Variants in HIVEP2 observed in about 807,000 individuals in gnomAD.
The protein encoded by HIVEP2 is HIVEP zinc finger 2.
In HIVEP2, 14 loss-of-function variants were observed where a neutral mutation model predicts 180.7. That is an observed-to-expected ratio of 0.08 (90% CI 0.05 to 0.12). The LOEUF is 0.12. Among genes scored for constraint, HIVEP2 ranks in the 10% least tolerant of loss-of-function variants. The pLI is 1.00. For missense variants in HIVEP2, 2,579 were observed against 3,008.5 expected (o/e 0.86, Z 3.34); for synonymous variants, 1,184 against 1,136.4 (o/e 1.04, Z -0.84).
intron 3 of HIVEP2, among the ~76,000 whole-genome samples, chr6:142,782,198 T>A (rs9484671): frequency 0.082 from 12,440 of 152,246 alleles, 1,683 homozygotes; most frequent in African/African-American, 0.28. Context: ...GATTTGTGGT[T>A]TGACACTTGT....
chr6:142,810,618 C>T (rs545444797), intron 2 of HIVEP2, among the ~76,000 whole-genome samples: 54 of 151,874 alleles, frequency 3.6e-4, no homozygotes, highest in African/African-American at 8.0e-4. Context: ...AAAAATTAGC[C>T]GGGCATGGTG....
At chr6:142,813,541 A>C (rs955074032) in intron 2 of HIVEP2, among the ~76,000 whole-genome samples, 2 of 150,088 alleles carry the variant, frequency 1.3e-5, no homozygotes, top group Non-Finnish European at 3.0e-5. Context: ...GATATAAGAC[A>C]TTATGTCTGG....
At chr6:142,835,727 G>C (rs1283873003) in intron 2 of HIVEP2, among the ~76,000 whole-genome samples, 1 of 152,088 alleles carries the variant, frequency 6.6e-6, no homozygotes, top group African/African-American at 2.4e-5. Context: ...AATGAAAAGG[G>C]GTCTCTGGAA....
chr6:142,760,519 G>A lies in HIVEP2; in HGVS notation c.5769C>T (p.Asp1923=), dbSNP rs1372483622. The A allele has an allele frequency of 6.2e-7, 1 of 1,614,036 alleles. No individual in the cohort carries two copies. The highest frequency in any genetic ancestry group is 1.3e-5 in the African/African-American group (1 of 75,000). Residue 1923 remains aspartate (D), a synonymous_variant, in exon 9 of 10, where the codon GAC becomes GAT. Coordinates refer to ENST00000367603, the MANE Select transcript of HIVEP2 (RefSeq NM_006734.4). ...TTGTTTTTGGTGTTAAATCTCCCTGGTCGTCAAAGTCATCTTCATCTTCAT... is the reference window on the plus strand; with the variant it reads ...TTGTTTTTGGTGTTAAATCTCCCTGATCGTCAAAGTCATCTTCATCTTCAT... The part of the protein sequence containing the change: ...DDDEDEDDFD[D]QGDLTPKTRS...
At chr6:142,852,696 C>T (rs1775716964) in intron 1 of HIVEP2, among the ~76,000 whole-genome samples, 1 of 152,156 alleles carries the variant, frequency 6.6e-6, no homozygotes, top group Non-Finnish European at 1.5e-5. Context: ...AGAGATTTCT[C>T]CAAAGAAGTC....
intron 1 of HIVEP2, among the ~76,000 whole-genome samples, chr6:142,922,132 T>C (rs1234333660): frequency 6.6e-6 from 1 of 152,182 alleles, no homozygotes; most frequent in Non-Finnish European, 1.5e-5. Context: ...CACTTGTCCT[T>C]TAAACTTCAG....
chr6:142,942,287 G>T (rs118152479), intron 1 of HIVEP2, among the ~76,000 whole-genome samples: 1 of 73,646 alleles, frequency 1.4e-5, no homozygotes, highest in African/African-American at 4.3e-5. Flanking sequence ...GTTAAAATGA[G>T]CCCTGCTTTG....
chr6:142,835,976 T>G (rs1775212293), intron 2 of HIVEP2, among the ~76,000 whole-genome samples: 1 of 152,224 alleles, frequency 6.6e-6, no homozygotes, highest in African/African-American at 2.4e-5. Context: ...AGAAGCTGTC[T>G]TCCCAGATGA....
At chr6:142,811,868 T>C (rs1400738644) in intron 2 of HIVEP2, among the ~76,000 whole-genome samples, 1 of 152,222 alleles carries the variant, frequency 6.6e-6, no homozygotes, top group Non-Finnish European at 1.5e-5. Context: ...ATGGAGTAGC[T>C]GAAGCCAGAT....
chr6:142,795,597 T>A (rs1029944144), intron 2 of HIVEP2, among the ~76,000 whole-genome samples: 1 of 152,206 alleles, frequency 6.6e-6, no homozygotes, highest in African/African-American at 2.4e-5. Context: ...TTAACATAGA[T>A]GTAAATTATT....
chr6:142,917,974 T>C (rs886130742), intron 1 of HIVEP2, among the ~76,000 whole-genome samples: 2 of 152,118 alleles, frequency 1.3e-5, no homozygotes, highest in African/African-American at 4.8e-5. Flanking sequence ...GGTTTTGCCA[T>C]GTTGGCCAGG....
In HIVEP2 at chr6:142,753,101, C is replaced by G. The variant is rs755986861; in HGVS notation, c.*6G>C. 6.5e-7 allele frequency: 1 copy of G among 1,532,432 alleles called. No individual in the cohort carries two copies. Among genetic ancestry groups the G allele is most frequent in the Non-Finnish European group, 9.0e-7 (1 of 1,105,470 alleles). The allele number at this position is 1,532,432 out of a possible 1,614,324, so 94.9% of individuals were successfully genotyped here. On this transcript the variant is annotated 3_prime_UTR_variant, in exon 10 of 10. Coordinates refer to ENST00000367603, the MANE Select transcript of HIVEP2 (RefSeq NM_006734.4). ...TGTGGAAATGAAAGTCTCCATGCATCATAGATCAATGTAGCTGACTCTTTT... is the reference window on the plus strand; with the variant it reads ...TGTGGAAATGAAAGTCTCCATGCATGATAGATCAATGTAGCTGACTCTTTT...
intron 1 of HIVEP2, among the ~76,000 whole-genome samples, chr6:142,902,972 C>T (rs145141780): frequency 2.6e-5 from 4 of 152,312 alleles, no homozygotes; most frequent in East Asian, 1.9e-4. Flanking sequence ...AATATCTCAA[C>T]GCTGAACTAC....
At position 142,772,333 on chromosome 6, in the gene HIVEP2, A is replaced by T; in HGVS notation, c.2406T>A (p.Ile802=). The change falls in exon 5 of 10, where the codon ATT becomes ATA. Residue 802 remains isoleucine, a synonymous_variant. Coordinates refer to ENST00000367603, the MANE Select transcript of HIVEP2 (RefSeq NM_006734.4). This position sits in a 1 kb window ranked among gnomAD's most constrained non-coding sequence, Gnocchi z 4.9. The part of the protein sequence containing the change: ...RKPPGNVISV[I]QHTNSLSRPN... Reference sequence around the variant, plus strand: ...GTCGGCTCAGTGAGTTGGTGTGCTGAATCACAGAAATCACATTTCCAGGAG... The same window carrying T: ...GTCGGCTCAGTGAGTTGGTGTGCTGTATCACAGAAATCACATTTCCAGGAG... 1 of 1,614,224 alleles carries T rather than the reference A, an allele frequency of 6.2e-7. No individual in the cohort carries two copies.
chr6:142,944,373 C>G (rs868057065), intron 1 of HIVEP2, among the ~76,000 whole-genome samples: 5 of 120,290 alleles, frequency 4.2e-5, no homozygotes, highest in Non-Finnish European at 1.9e-5. Context: ...CCCCCCCCCC[C>G]ACCAAATACG....
chr6:142,887,858 T>C (rs1315866448), intron 1 of HIVEP2, among the ~76,000 whole-genome samples: 1 of 151,554 alleles, frequency 6.6e-6, no homozygotes, highest in East Asian at 1.9e-4. Flanking sequence ...TTCTGAAATA[T>C]CAAACAATGT....
chr6:142,752,457 CTTTT>C lies in HIVEP2; in HGVS notation c.*646_*649del, dbSNP rs1344879118. On this transcript the variant is annotated 3_prime_UTR_variant, in exon 10 of 10. Coordinates refer to ENST00000367603, the MANE Select transcript of HIVEP2 (RefSeq NM_006734.4). The stretch of plus-strand genomic sequence containing the variant: ...AAGAACTGACTGATACATCCTTTAT[CTTTT>C]TTTAACTAATGCATAAGTGCAGAAT... 1 of 152,524 alleles carries C rather than the reference CTTTT, an allele frequency of 6.6e-6. No homozygotes were observed. Among genetic ancestry groups the C allele is most frequent in the Admixed American group, 6.5e-5 (1 of 15,274 alleles). The allele number at this position is 152,524 out of a possible 1,614,324, so 9.4% of individuals were successfully genotyped here. A position where few individuals can be genotyped will look rare whatever the true frequency, so the allele number is the denominator to read the frequency against.
chr6:142,918,096 A>G (rs1489406150), intron 1 of HIVEP2, among the ~76,000 whole-genome samples: 1 of 151,968 alleles, frequency 6.6e-6, no homozygotes, highest in African/African-American at 2.4e-5. Context: ...AACAAGAACA[A>G]TGTGAGCCAT....
At chr6:142,835,873 A>AT (rs1775208373) in intron 2 of HIVEP2, among the ~76,000 whole-genome samples, 1 of 152,120 alleles carries the variant, frequency 6.6e-6, no homozygotes, top group African/African-American at 2.4e-5. Context: ...TTGGCACTAC[A>AT]TAAACTACAA....
Sources: allele counts gnomAD v4.1 joint callset (sites outside exome capture counted in the v4.1 genomes callset), GRCh38; gene constraint gnomAD v4.1.1; non-coding constraint Gnocchi (gnomAD v3.1); transcripts MANE v1.5; gene names NCBI Gene and HGNC (gene_info 2026-07-23, HGNC 2026-07-21).